Variants in PPHLN1 observed in about 807,000 individuals in gnomAD.
PPHLN1 encodes the protein periphilin 1, also known as periphilin-1.
PPHLN1 carries 29 observed loss-of-function variants against 51.3 expected under a neutral mutation model. The ratio of observed to expected loss-of-function variants is 0.57; its 90% CI spans 0.42 to 0.77. PPHLN1 has a LOEUF of 0.77. Among genes scored for constraint, PPHLN1 ranks in the 30% least tolerant of loss-of-function variants. The pLI is 0.00. For missense variants in PPHLN1, 436 were observed against 438.4 expected, an observed-to-expected ratio of 0.99 and a Z score of 0.05; for synonymous variants, 147 against 147.8, an observed-to-expected ratio of 0.99 and a Z score of 0.04.
At chr12:42,395,201 G>A (rs935000324) in intron 8 of PPHLN1, among the ~76,000 whole-genome samples, 4 of 151,660 alleles carry the variant, frequency 2.6e-5, no homozygotes, top group African/African-American at 7.3e-5. Context: ...CTCAGAATTC[G>A]CTAGATTTCA....
intron 5 of PPHLN1, 94 bp from the exon 6 acceptor site, chr12:42,384,846 C>T (rs1227480546): frequency 1.2e-5 from 15 of 1,237,266 alleles, no homozygotes; most frequent in Non-Finnish European, 1.8e-5. Context: ...CTCAGAAGCC[C>T]CTGTTCTCAT....
intron 5 of PPHLN1, among the ~76,000 whole-genome samples, chr12:42,375,820 G>A (rs2076220310): frequency 6.6e-6 from 1 of 152,124 alleles, no homozygotes; most frequent in Non-Finnish European, 1.5e-5. Context: ...TCTAGAGAAA[G>A]CATTCTTATC....
In PPHLN1 at chr12:42,388,701, C is replaced by T. The variant is rs538854327; in HGVS notation, c.648+1166C>T. The stretch of plus-strand genomic sequence containing the variant: ...ATACCCACAGGTGTGGAGGGGCAGG[C>T]CACCCCTTCATGAGATGGGAGAATT... On this transcript the variant is annotated intron_variant, in intron 7 of 9. Transcript: ENST00000358314. Among the ~76,000 whole-genome samples the T allele has an allele frequency of 2.6e-5, 4 of 152,282 alleles. No homozygotes were observed. The South Asian group carries it at 8.3e-4, about 32-fold the overall frequency.
At chr12:42,370,051 G>A (rs570105435) in intron 4 of PPHLN1, among the ~76,000 whole-genome samples, 13 of 152,290 alleles carry the variant, frequency 8.5e-5, no homozygotes, top group East Asian at 3.9e-4. Flanking sequence ...TTGTTTTGCC[G>A]TTATCATGAA....
intron 9 of PPHLN1, among the ~76,000 whole-genome samples, chr12:42,434,583 G>A (rs559653671): frequency 2.0e-5 from 3 of 152,198 alleles, no homozygotes; most frequent in Non-Finnish European, 4.4e-5. Context: ...TCTTAACCCA[G>A]TTGGTGTCTG....
At chr12:42,400,794 TC>T (rs1477357627) in intron 9 of PPHLN1, among the ~76,000 whole-genome samples, 273 of 131,522 alleles carry the variant, frequency 2.1e-3, no homozygotes, top group East Asian at 5.7e-3. Flanking sequence ...TCTCTCTCTC[TC>T]TTTCACACAC....
At chr12:42,364,890 G>T (rs563890910) in intron 4 of PPHLN1, among the ~76,000 whole-genome samples, 2 of 152,288 alleles carry the variant, frequency 1.3e-5, no homozygotes, top group South Asian at 4.1e-4. Context: ...GCACCCCAGC[G>T]TGGGCGACAG....
intron 9 of PPHLN1, among the ~76,000 whole-genome samples, chr12:42,412,619 C>T (rs1003918075): frequency 6.6e-6 from 1 of 151,918 alleles, no homozygotes; most frequent in African/African-American, 2.4e-5. Context: ...GATATAATGA[C>T]TCCTTTTCCT....
At chr12:42,327,839 A>C (rs1759125565) in intron 1 of PPHLN1, among the ~76,000 whole-genome samples, 1 of 152,198 alleles carries the variant, frequency 6.6e-6, no homozygotes, top group Non-Finnish European at 1.5e-5. Context: ...CAGGCAGTTA[A>C]CGTTAATGAA....
chr12:42,442,605 C>CGTCTGAATACTCCTTTCATCCG, downstream of PPHLN1: 2 of 1,612,846 alleles, frequency 1.2e-6, no homozygotes, highest in Non-Finnish European at 1.7e-6. Context: ...AAAATACCTG[C>CGTCTGAATACTCCTTTCATCCG]GTCTGAATAC....
At chr12:42,444,924 C>A, downstream of PPHLN1, 1 of 616,804 alleles carries the variant, frequency 1.6e-6, no homozygotes, top group Non-Finnish European at 2.9e-6. Context: ...CTCCCTCACT[C>A]CATCGAGATT....
rs559482158 is a variant in PPHLN1, at chr12:42,428,060, C to T, written c.910-13255C>T. 2.6e-5 allele frequency among the ~76,000 whole-genome samples: 4 copies of T among 152,226 alleles called. No individual in the cohort carries two copies. In the East Asian group the frequency reaches 5.8e-4, roughly 22 times the overall value. ...TGCAAATCAAAACCACAATGCAGTA[C>T]CACCTTACTCCTGCAAGAATGGCCG... On this transcript the variant is annotated intron_variant, in intron 9 of 9. Coordinates refer to ENST00000358314, the MANE Select transcript of PPHLN1 (RefSeq NM_201439.2).
At chr12:42,369,604 GTAT>G (rs1565850605) in intron 4 of PPHLN1, among the ~76,000 whole-genome samples, 1 of 152,106 alleles carries the variant, frequency 6.6e-6, no homozygotes, top group East Asian at 1.9e-4. Context: ...TGTGAAGTAG[GTAT>G]TATTATTATC....
At chr12:42,417,966 G>A (rs1192280622) in intron 9 of PPHLN1, among the ~76,000 whole-genome samples, 2 of 117,228 alleles carry the variant, frequency 1.7e-5, no homozygotes, top group African/African-American at 3.2e-5. Context: ...TTGAGACAGA[G>A]TCTCGCTCTG....
chr12:42,362,893 A>G (rs960197492), intron 4 of PPHLN1, among the ~76,000 whole-genome samples: 2 of 152,174 alleles, frequency 1.3e-5, no homozygotes, highest in Admixed American at 1.3e-4. Flanking sequence ...GTAATGAGCA[A>G]TCTTGAAGGC....
intron 1 of PPHLN1, among the ~76,000 whole-genome samples, chr12:42,327,149 A>G (rs770568949): frequency 1.1e-4 from 16 of 152,184 alleles, no homozygotes; most frequent in Non-Finnish European, 1.9e-4. Flanking sequence ...CTTCTGTGCT[A>G]TAGTCTCATT....
At chr12:42,438,206 T>G (rs1402495734) in intron 9 of PPHLN1, among the ~76,000 whole-genome samples, 1 of 152,186 alleles carries the variant, frequency 6.6e-6, no homozygotes, top group African/African-American at 2.4e-5. Context: ...ATTGCTGGAT[T>G]GTATGGTAAG....
At chr12:42,371,296 T>G (rs11181465) in intron 4 of PPHLN1, among the ~76,000 whole-genome samples, 53,238 of 151,472 alleles carry the variant, frequency 0.35, 9,875 homozygotes, top group South Asian at 0.46. Context: ...TTTTTTAATT[T>G]TTTGTAGAGA....
chr12:42,404,478 G>A (rs1028691160), intron 9 of PPHLN1, among the ~76,000 whole-genome samples: 2 of 151,424 alleles, frequency 1.3e-5, no homozygotes, highest in African/African-American at 2.4e-5. Context: ...GCAGTGAGCC[G>A]AGATTGCGCC....
Sources: gnomAD v4.1 joint callset for allele counts (sites outside exome capture counted in the v4.1 genomes callset) on GRCh38, gnomAD v4.1.1 for gene constraint, MANE v1.5 for transcripts, NCBI Gene and HGNC (gene_info 2026-07-23, HGNC 2026-07-21) for gene names.